Variants in OXR1 observed in about 807,000 individuals in gnomAD.
OXR1 encodes the protein oxidation resistance 1.
A neutral mutation model predicts 104.6 loss-of-function variants in OXR1; 41 were observed. That is an observed-to-expected ratio of 0.39 (90% CI 0.31 to 0.51). The LOEUF is 0.51. Among genes scored for constraint, OXR1 ranks in the 20% least tolerant of loss-of-function variants. The probability of loss-of-function intolerance (pLI) is 0.77; values close to 1 mark genes in which losing one functional copy is unlikely to be tolerated. For synonymous variants in OXR1, 348 were observed against 348.4 expected (o/e 1.00, Z 0.01); for missense variants, 955 against 1,031.9 (o/e 0.93, Z 1.02).
chr8:106,320,814 G>A (rs1814184811), intron 1 of OXR1, among the ~76,000 whole-genome samples: 1 of 152,084 alleles, frequency 6.6e-6, no homozygotes, highest in Non-Finnish European at 1.5e-5. Context: ...TGGGATTACA[G>A]GCATGTACCA....
chr8:106,534,926 T>TTCATTTA (rs1814368825), intron 3 of OXR1, among the ~76,000 whole-genome samples: 1 of 152,208 alleles, frequency 6.6e-6, no homozygotes, highest in Non-Finnish European at 1.5e-5. Flanking sequence ...AATACCTATA[T>TTCATTTA]TCATTTATCC....
At chr8:106,309,461 C>T (rs1197180346) in intron 1 of OXR1, among the ~76,000 whole-genome samples, 8 of 152,056 alleles carry the variant, frequency 5.3e-5, no homozygotes, top group South Asian at 4.1e-4. Flanking sequence ...CTCCAGGATA[C>T]GTGAGCTATT....
At chr8:106,553,440 T>A (rs1415630413) in intron 3 of OXR1, among the ~76,000 whole-genome samples, 2 of 151,070 alleles carry the variant, frequency 1.3e-5, no homozygotes, top group African/African-American at 4.9e-5. Context: ...CACCTCAGCC[T>A]CCCCCATAGG....
chr8:106,374,168 A>G (rs974646234), intron 2 of OXR1, among the ~76,000 whole-genome samples: 2 of 152,180 alleles, frequency 1.3e-5, no homozygotes, highest in Non-Finnish European at 2.9e-5. Context: ...CTTTTACTAG[A>G]CACACATAGA....
intron 3 of OXR1, chr8:106,658,148 C>G: frequency 8.0e-7 from 1 of 1,245,432 alleles, no homozygotes. Context: ...GGTCCCCGCC[C>G]CACCGGCCCC....
At chr8:106,525,446 A>G (rs2960735) in intron 3 of OXR1, among the ~76,000 whole-genome samples, 152,258 of 152,352 alleles carry the variant, frequency 1, 76,083 homozygotes, top group Middle Eastern at 1. Context: ...ACCCCTCACC[A>G]TAAGTATACA....
intron 1 of OXR1, among the ~76,000 whole-genome samples, chr8:106,340,822 A>G (rs1413050100): frequency 2.6e-5 from 4 of 152,110 alleles, no homozygotes; most frequent in Admixed American, 2.0e-4. Context: ...TTACATTTAT[A>G]CTATCTACTA....
chr8:106,578,092 C>A (rs1034885652), intron 3 of OXR1, among the ~76,000 whole-genome samples: 7 of 152,160 alleles, frequency 4.6e-5, no homozygotes, highest in Non-Finnish European at 7.3e-5. Context: ...AACCCAATTT[C>A]AATCTCAGGT....
intron 3 of OXR1, among the ~76,000 whole-genome samples, chr8:106,671,782 C>T (rs951220865): frequency 1.5e-5 from 2 of 132,208 alleles, no homozygotes; most frequent in Non-Finnish European, 3.1e-5. Context: ...AACACTTGGA[C>T]ACAGGAAGGG....
chr8:106,611,036 A>G (rs3101526), intron 3 of OXR1, among the ~76,000 whole-genome samples: 91,430 of 152,010 alleles, frequency 0.6, 28,641 homozygotes, highest in African/African-American at 0.79. Context: ...TTAGATTCTA[A>G]TAGAGGTGAC....
chr8:106,381,066 C>T (rs982079024), intron 2 of OXR1, among the ~76,000 whole-genome samples: 2 of 152,042 alleles, frequency 1.3e-5, no homozygotes, highest in African/African-American at 4.8e-5. Context: ...GAGATTTTTG[C>T]TTGAAATTTG....
chr8:106,601,628 G>A (rs2130754222), intron 3 of OXR1, among the ~76,000 whole-genome samples: 1 of 152,268 alleles, frequency 6.6e-6, no homozygotes, highest in Admixed American at 6.5e-5. Context: ...TTCCATATAT[G>A]AATTCTGGGG....
At chr8:106,407,902 G>T (rs1257907797) in intron 2 of OXR1, among the ~76,000 whole-genome samples, 2 of 152,148 alleles carry the variant, frequency 1.3e-5, no homozygotes, top group East Asian at 3.9e-4. Flanking sequence ...GCCTTCACTA[G>T]TGTACTCAGG....
chr8:106,386,275 T>C (rs1817367487), intron 2 of OXR1, among the ~76,000 whole-genome samples: 1 of 152,208 alleles, frequency 6.6e-6, no homozygotes, highest in South Asian at 2.1e-4. Flanking sequence ...TGACCTTTGG[T>C]GCCCATCCAG....
At chr8:106,740,231 T>G in intron 13 of OXR1, 112 bp from the exon 14 acceptor site, 1 of 667,628 alleles carries the variant, frequency 1.5e-6, no homozygotes, top group South Asian at 2.3e-5. Context: ...CTACTGTTAA[T>G]TTATTTTTAT....
chr8:106,739,380 A>T (rs1246001959), intron 12 of OXR1, 78 bp from the exon 13 acceptor site: 8 of 1,307,762 alleles, frequency 6.1e-6, no homozygotes, highest in Non-Finnish European at 8.6e-6. Flanking sequence ...ATAAAGCTTT[A>T]TTTATCTGAA....
intron 7 of OXR1, among the ~76,000 whole-genome samples, chr8:106,700,952 A>G (rs1830534582): frequency 1.3e-5 from 2 of 152,238 alleles, no homozygotes; most frequent in African/African-American, 4.8e-5. Context: ...AAGTTATGAA[A>G]GATCAGAAAC....
intron 11 of OXR1, among the ~76,000 whole-genome samples, chr8:106,730,955 A>T (rs562543985): frequency 6.6e-6 from 1 of 152,322 alleles, no homozygotes; most frequent in Non-Finnish European, 1.5e-5. Context: ...ACTGTCTTTC[A>T]TCTGGCTGTA....
chr8:106,335,661 C>T (rs1055996026), intron 1 of OXR1, among the ~76,000 whole-genome samples: 7 of 151,952 alleles, frequency 4.6e-5, no homozygotes, highest in Non-Finnish European at 7.4e-5. Flanking sequence ...AGTGATTTCC[C>T]GATTATTTGA....
Sources: allele counts gnomAD v4.1 joint callset (sites outside exome capture counted in the v4.1 genomes callset), GRCh38; gene constraint gnomAD v4.1.1; transcripts MANE v1.5; gene names NCBI Gene and HGNC (gene_info 2026-07-23, HGNC 2026-07-21).